CSMD3: variants seen among roughly 807,000 people sequenced by gnomAD.
CSMD3 encodes CUB and sushi domain-containing protein 3.
CSMD3 carries 177 observed loss-of-function variants against 435.2 expected under a neutral mutation model. The ratio of observed to expected loss-of-function variants is 0.41; its 90% CI spans 0.36 to 0.46. CSMD3 has a LOEUF of 0.46. CSMD3 is among the 20% of genes least tolerant of loss of function. CSMD3 has a pLI of 0.34. For synonymous variants in CSMD3, 1,656 were observed against 1,520.5 expected, an observed-to-expected ratio of 1.09 and a Z score of -2.07; for missense variants, 4,265 against 4,504.6, an observed-to-expected ratio of 0.95 and a Z score of 1.52.
chr8:112,592,195 T>G (rs2131372749), intron 22 of CSMD3, among the ~76,000 whole-genome samples: 1 of 152,174 alleles, frequency 6.6e-6, no homozygotes, highest in Non-Finnish European at 1.5e-5. Context: ...AATAGGCATT[T>G]CAATAATACT....
intron 4 of CSMD3, among the ~76,000 whole-genome samples, chr8:113,153,235 A>G (rs890215502): frequency 1.3e-5 from 2 of 151,122 alleles, no homozygotes; most frequent in African/African-American, 4.9e-5. Flanking sequence ...AGAAAGAAGA[A>G]AGAAAGAAGA....
chr8:112,509,444 C>T (rs547824215), intron 28 of CSMD3, among the ~76,000 whole-genome samples: 16 of 152,186 alleles, frequency 1.1e-4, no homozygotes, highest in Middle Eastern at 3.4e-3. Flanking sequence ...CAACCATTGC[C>T]CCAATACAAA....
chr8:113,400,012 G>T (rs1563784208), intron 1 of CSMD3, among the ~76,000 whole-genome samples: 1 of 151,646 alleles, frequency 6.6e-6, no homozygotes, highest in East Asian at 1.9e-4. Context: ...CAACTTATGG[G>T]AATGTTATGA....
Position 112,800,155 on chromosome 8 carries a change from T to C in CSMD3, c.1972+7A>G, listed in dbSNP as rs1312476324. The C allele has an allele frequency of 6.4e-7, 1 of 1,554,132 alleles. No individual in the cohort carries two copies. The highest frequency in any genetic ancestry group is 2.2e-5 in the East Asian group (1 of 44,510). On this transcript the variant is annotated splice_region_variant and intron_variant, in intron 13 of 70. Coordinates refer to ENST00000297405, the MANE Select transcript of CSMD3 (RefSeq NM_198123.2). ...ATAACATTTCCTATGTAGAAATTAA[T>C]CATTACCTTTGTAGTTAACCTTGAA...
At chr8:113,426,723 A>T (rs2130013544) in intron 1 of CSMD3, among the ~76,000 whole-genome samples, 1 of 151,604 alleles carries the variant, frequency 6.6e-6, no homozygotes, top group Non-Finnish European at 1.5e-5. Context: ...TGTGATTTTA[A>T]ATCTCAATAA....
At chr8:112,436,972 A>G (rs909938085) in intron 32 of CSMD3, among the ~76,000 whole-genome samples, 5 of 152,044 alleles carry the variant, frequency 3.3e-5, no homozygotes, top group African/African-American at 1.2e-4. Flanking sequence ...ATCATTTTGT[A>G]TTTAGTCTTT....
At chr8:113,396,685 C>T (rs1017877508) in intron 1 of CSMD3, among the ~76,000 whole-genome samples, 6 of 151,970 alleles carry the variant, frequency 3.9e-5, no homozygotes, top group Non-Finnish European at 8.8e-5. Context: ...TTAATTCGTA[C>T]CAAAGTAGAA....
chr8:112,815,955 T>C (rs1315717208), intron 12 of CSMD3, among the ~76,000 whole-genome samples: 1 of 152,160 alleles, frequency 6.6e-6, no homozygotes, highest in Non-Finnish European at 1.5e-5. Flanking sequence ...GCAGATCATA[T>C]GGATAACTAC....
intron 13 of CSMD3, among the ~76,000 whole-genome samples, chr8:112,787,400 GGAGAACAGTA>G (rs2078573326): frequency 1.3e-5 from 2 of 152,052 alleles, no homozygotes; most frequent in South Asian, 2.1e-4. Flanking sequence ...TTATTACTAT[GGAGAACAGTA>G]TGGAGGTACC....
At chr8:113,373,042 A>AT (rs1447938693) in intron 1 of CSMD3, among the ~76,000 whole-genome samples, 1 of 152,138 alleles carries the variant, frequency 6.6e-6, no homozygotes, top group Non-Finnish European at 1.5e-5. Context: ...ATCTAATGGT[A>AT]TAAAATAATA....
chr8:113,328,125 G>C (rs1205205186), intron 1 of CSMD3, among the ~76,000 whole-genome samples: 2 of 151,838 alleles, frequency 1.3e-5, no homozygotes, highest in African/African-American at 2.4e-5. Context: ...ACACACCAGA[G>C]AGAAAACCTT....
intron 43 of CSMD3, 134 bp downstream of exon 43, chr8:112,337,409 G>T (rs1291979342): frequency 9.4e-6 from 7 of 743,438 alleles, no homozygotes; most frequent in Admixed American, 6.2e-5. Context: ...AGCCTTAGGG[G>T]TTTAAAAAAT....
At chr8:112,874,291 C>A (rs932670696) in intron 10 of CSMD3, among the ~76,000 whole-genome samples, 2 of 151,924 alleles carry the variant, frequency 1.3e-5, no homozygotes, top group Non-Finnish European at 2.9e-5. Flanking sequence ...TTATGATTTC[C>A]GTTCTTTTAC....
chr8:112,680,600 G>A (rs1398178750), intron 16 of CSMD3, among the ~76,000 whole-genome samples: 1 of 152,060 alleles, frequency 6.6e-6, no homozygotes, highest in Non-Finnish European at 1.5e-5. Flanking sequence ...AGTAGCCCCT[G>A]CTGAACCCAT....
intron 1 of CSMD3, among the ~76,000 whole-genome samples, chr8:113,396,058 C>T (rs929164120): frequency 6.6e-6 from 1 of 152,012 alleles, no homozygotes; most frequent in African/African-American, 2.4e-5. Context: ...TTTCACTAAC[C>T]ATGTCATAGT....
intron 10 of CSMD3, among the ~76,000 whole-genome samples, chr8:112,902,822 C>G (rs891696029): frequency 5.3e-5 from 8 of 151,274 alleles, no homozygotes; most frequent in African/African-American, 1.7e-4. Context: ...ATAGTCAAAG[C>G]ATTCTATGAA....
intron 50 of CSMD3, chr8:112,310,768 G>T: frequency 4.6e-6 from 3 of 651,250 alleles, no homozygotes; most frequent in Non-Finnish European, 8.3e-6. Flanking sequence ...CATATAAGTT[G>T]CATAACAATA....
At chr8:112,634,115 A>G (rs1044214580) in intron 22 of CSMD3, among the ~76,000 whole-genome samples, 17 of 152,016 alleles carry the variant, frequency 1.1e-4, no homozygotes, top group African/African-American at 3.9e-4. Context: ...TATATGAAAT[A>G]AAAAGTACAA....
rs1329126130 is a variant in CSMD3 at position 112,503,780 on chromosome 8, T to C, written c.5083+10A>G. ...AAATCATGATACTAACATGGAATGT[T>C]CATATTTACCTTTGTATTCTAGATG... is the stretch of plus-strand genomic sequence containing the variant. On this transcript the variant is annotated intron_variant, in intron 30 of 70. Coordinates refer to ENST00000297405, the MANE Select transcript of CSMD3 (RefSeq NM_198123.2). 1 of 1,584,670 alleles carries C rather than the reference T, an allele frequency of 6.3e-7. No individual in the cohort carries two copies. Among genetic ancestry groups the C allele is most frequent in the African/African-American group, 1.3e-5 (1 of 74,312 alleles).
Sources: allele counts gnomAD v4.1 joint callset (sites outside exome capture counted in the v4.1 genomes callset), GRCh38; gene constraint gnomAD v4.1.1; transcripts MANE v1.5; gene names NCBI Gene and HGNC (gene_info 2026-07-23, HGNC 2026-07-21).